Variants in ARL17B observed in about 807,000 individuals in gnomAD.
The protein encoded by ARL17B is ARF like GTPase 17B, also known as ADP-ribosylation factor-like protein 17.
chr17:46,276,016 G>A (rs1175829965), intron 4 of ARL17B, among the ~76,000 whole-genome samples: 23 of 152,000 alleles, frequency 1.5e-4, no homozygotes, highest in Non-Finnish European at 7.3e-5. Flanking sequence ...TCAGCCTCCC[G>A]AGTAGCTGGG....
At chr17:46,277,653 C>CTTTCTTTCTTTCTTTCTTTT (rs143961379) in intron 4 of ARL17B, among the ~76,000 whole-genome samples, 5 of 137,860 alleles carry the variant, frequency 3.6e-5, no homozygotes, top group Admixed American at 1.5e-4. Flanking sequence ...TTCTTTCTTT[C>CTTTCTTTCTTTCTTTCTTTT]TTTTTTTTTT....
At chr17:46,343,626 TC>T (rs1328316586) in intron 3 of ARL17B, among the ~76,000 whole-genome samples, 1 of 125,466 alleles carries the variant, frequency 8.0e-6, no homozygotes, top group Non-Finnish European at 1.6e-5. Context: ...CCACAGTGGC[TC>T]ATGCCTGTAA....
chr17:46,340,126 A>G (rs1415360648), intron 3 of ARL17B, among the ~76,000 whole-genome samples: 1 of 101,402 alleles, frequency 9.9e-6, no homozygotes, highest in African/African-American at 3.2e-5. Context: ...CAGGCCATAT[A>G]GTATTGGAGA....
chr17:46,291,332 T>G (rs2050060803), intron 4 of ARL17B, among the ~76,000 whole-genome samples: 1 of 152,110 alleles, frequency 6.6e-6, no homozygotes, highest in South Asian at 2.1e-4. Flanking sequence ...CATGCTTAAA[T>G]AAGTTACAAC....
At chr17:46,274,777 CTTTT>C (rs1315836955), downstream of ARL17B, 1 of 150,188 alleles carries the variant, frequency 6.7e-6, no homozygotes, top group African/African-American at 2.4e-5. Flanking sequence ...TTCTTGCTTT[CTTTT>C]TCTTTTTTTT....
chr17:46,280,885 C>T (rs373142527), intron 4 of ARL17B, among the ~76,000 whole-genome samples: 12,044 of 140,280 alleles, frequency 0.086, no homozygotes, highest in Middle Eastern at 0.14. Context: ...CAATAGCACA[C>T]GCTTTTAAAA....
rs151174230 is a variant in ARL17B at position 46,275,104 on chromosome 17, C to G, written c.*336G>C. The stretch of plus-strand genomic sequence containing the variant: ...ACGGGGTTTCTCCATATTGGTCAGG[C>G]TGGTCTCGAACTCCCGACCTCAGAT... On this transcript the variant is annotated 3_prime_UTR_variant, in exon 5 of 5. Coordinates refer to the ARL17B transcript ENST00000570618. 1,884 of 223,750 alleles carry G rather than the reference C, an allele frequency of 8.4e-3. 43 individuals carry two copies. The highest frequency in any genetic ancestry group is 0.043 in the African/African-American group (1,800 of 41,930). The allele number at this position is 223,750 out of a possible 1,614,324, so 13.9% of individuals were successfully genotyped here.
At chr17:46,330,889 A>G (rs1598174847), downstream of ARL17B, 5 of 724,402 alleles carry the variant, frequency 6.9e-6, no homozygotes, top group East Asian at 1.3e-4. Context: ...CCGAAGAAAA[A>G]AGGCTCACGA....
intron 3 of ARL17B, among the ~76,000 whole-genome samples, chr17:46,311,486 A>G (rs2050795949): frequency 1.2e-5 from 1 of 86,050 alleles, no homozygotes; most frequent in Non-Finnish European, 2.9e-5. Flanking sequence ...TTTCAGCTAG[A>G]GCTGTTAGGA....
At chr17:46,279,697 T>C (rs1443328067) in intron 4 of ARL17B, among the ~76,000 whole-genome samples, 2 of 151,976 alleles carry the variant, frequency 1.3e-5, no homozygotes, top group African/African-American at 2.4e-5. Context: ...GGTTTCCTCA[T>C]GTTGCCCGGG....
intron 4 of ARL17B, among the ~76,000 whole-genome samples, chr17:46,290,010 T>C (rs1269381687): frequency 2.6e-5 from 4 of 152,364 alleles, no homozygotes; most frequent in Admixed American, 1.3e-4. Flanking sequence ...TGCCAACTAC[T>C]TGGAAGGCTG....
At chr17:46,279,777 G>A (rs989196113) in intron 4 of ARL17B, among the ~76,000 whole-genome samples, 5 of 152,166 alleles carry the variant, frequency 3.3e-5, no homozygotes, top group African/African-American at 1.2e-4. Context: ...TTACAGGCAT[G>A]AACCACCATT....
At chr17:46,354,965 AAGAGAGAGACAGAG>A (rs2052865046) in intron 2 of ARL17B, among the ~76,000 whole-genome samples, 1 of 60,110 alleles carries the variant, frequency 1.7e-5, no homozygotes, top group Non-Finnish European at 3.0e-5. Flanking sequence ...AGAAAAGAGG[AAGAGAGAGACAGAG>A]AGAGAGAGAC....
At chr17:46,275,962 C>T (rs2049576002) in intron 4 of ARL17B, among the ~76,000 whole-genome samples, 1 of 152,014 alleles carries the variant, frequency 6.6e-6, no homozygotes, top group Admixed American at 6.5e-5. Flanking sequence ...GCGATCTTGG[C>T]TCACTGCAAC....
intron 4 of ARL17B, among the ~76,000 whole-genome samples, chr17:46,291,080 G>A (rs1413682137): frequency 6.6e-6 from 1 of 152,238 alleles, no homozygotes; most frequent in Non-Finnish European, 1.5e-5. Flanking sequence ...AGTCAAAAGA[G>A]AAGCAATGTG....
At chr17:46,283,944 A>G (rs1368617969) in intron 4 of ARL17B, among the ~76,000 whole-genome samples, 1 of 152,250 alleles carries the variant, frequency 6.6e-6, no homozygotes, top group African/African-American at 2.4e-5. Context: ...ATACACATAA[A>G]CATCTCAATG....
intron 4 of ARL17B, among the ~76,000 whole-genome samples, chr17:46,279,339 A>G (rs2049691836): frequency 6.6e-6 from 1 of 151,516 alleles, no homozygotes; most frequent in Non-Finnish European, 1.5e-5. Flanking sequence ...GCCTACCACA[A>G]TGCCTGGCTA....
chr17:46,277,162 T>C (rs2049613118), intron 4 of ARL17B, among the ~76,000 whole-genome samples: 1 of 152,236 alleles, frequency 6.6e-6, no homozygotes, highest in African/African-American at 2.4e-5. Context: ...CCATGTGCTT[T>C]ATTGAAAATT....
chr17:46,285,708 G>T (rs1266143408), intron 4 of ARL17B, among the ~76,000 whole-genome samples: 2 of 152,212 alleles, frequency 1.3e-5, no homozygotes, highest in Admixed American at 6.5e-5. Flanking sequence ...ATATGGTAAA[G>T]CTCATGACAC....
Sources: gnomAD v4.1 joint callset for allele counts (sites outside exome capture counted in the v4.1 genomes callset) on GRCh38, gnomAD v4.1.1 for gene constraint, MANE v1.5 for transcripts, NCBI Gene and HGNC (gene_info 2026-07-23, HGNC 2026-07-21) for gene names.